The following PDGFD variants were observed in gnomAD, a reference collection of about 807,000 sequenced individuals.
PDGFD encodes the protein platelet derived growth factor D, also known as platelet-derived growth factor D.
PDGFD carries 30 observed loss-of-function variants against 44.7 expected under a neutral mutation model. That is an observed-to-expected ratio of 0.67 (90% confidence interval 0.50 to 0.91). The LOEUF is 0.91. Among genes scored for constraint, PDGFD ranks in the 40% least tolerant of loss-of-function variants. The pLI is 0.00. For missense variants in PDGFD, 445 were observed against 457.8 expected (o/e 0.97, Z 0.25); for synonymous variants, 173 against 168.4 (o/e 1.03, Z -0.21).
chr11:104,036,787 T>C (rs930432840), intron 1 of PDGFD: 8 of 1,555,378 alleles, frequency 5.1e-6, no homozygotes, highest in Admixed American at 1.7e-5. Flanking sequence ...GAGCCGCCCA[T>C]GCCCTCTGCT....
chr11:103,917,097 C>T (rs1156646053), intron 6 of PDGFD, among the ~76,000 whole-genome samples: 1 of 150,806 alleles, frequency 6.6e-6, no homozygotes, highest in Non-Finnish European at 1.5e-5. Context: ...AAAAAAAACA[C>T]ACAACATGTT....
intron 4 of PDGFD, among the ~76,000 whole-genome samples, chr11:103,943,959 A>C (rs1033620102): frequency 8.5e-5 from 13 of 152,188 alleles, no homozygotes; most frequent in Non-Finnish European, 4.4e-5. Flanking sequence ...TAAGTTATCC[A>C]GTTTCTTGGT....
At position 103,925,127 on chromosome 11, in the gene PDGFD, C is replaced by A. The variant is rs375455374; in HGVS notation, c.987+1785G>T. Among the ~76,000 whole-genome samples the A allele has an allele frequency of 2.6e-5, 4 of 152,162 alleles. No individual in the cohort carries two copies. The East Asian group carries it at 5.8e-4, about 22-fold the overall frequency. On this transcript the variant is annotated intron_variant, in intron 6 of 6. Transcript: ENST00000393158. ...GCTTCATCCGTGTCTCTGCAAAGGACGTGAACTCATCCTTTTTTAAGGCTG... is the reference window on the plus strand; with the variant it reads ...GCTTCATCCGTGTCTCTGCAAAGGAAGTGAACTCATCCTTTTTTAAGGCTG...
intron 1 of PDGFD, among the ~76,000 whole-genome samples, chr11:104,132,052 T>A (rs1861931441): frequency 6.6e-6 from 1 of 151,364 alleles, no homozygotes; most frequent in South Asian, 2.1e-4. Context: ...ACGTACCTTC[T>A]GACATGGTGA....
At position 104,154,526 on chromosome 11, in the gene PDGFD, T is replaced by A. The variant is rs78080339; in HGVS notation, c.124+9278A>T. Among the ~76,000 whole-genome samples the A allele has an allele frequency of 2.2e-3, 327 of 152,048 alleles. 1 individual carries two copies. The highest frequency in any genetic ancestry group is 4.0e-3 in the Non-Finnish European group (274 of 67,960). On this transcript the variant is annotated intron_variant, in intron 1 of 6. Coordinates refer to ENST00000393158, the MANE Select transcript of PDGFD (RefSeq NM_025208.5). ...GGGGATGATTTCAAATCACAATGGG[T>A]ACAGGGGAGGAGAGGAGGAAGAGAC... is the stretch of plus-strand genomic sequence containing the variant.
At chr11:104,009,357 C>T (rs939767318) in intron 1 of PDGFD, among the ~76,000 whole-genome samples, 4 of 151,974 alleles carry the variant, frequency 2.6e-5, no homozygotes, top group Non-Finnish European at 5.9e-5. Context: ...GGTTCTCATC[C>T]TATGCAACCA....
chr11:104,059,139 T>C (rs976154849), intron 1 of PDGFD, among the ~76,000 whole-genome samples: 2 of 149,136 alleles, frequency 1.3e-5, no homozygotes, highest in African/African-American at 2.5e-5. Flanking sequence ...CTGTGTACAT[T>C]ATACTTCAAT....
At chr11:104,160,870 C>G (rs7950273) in intron 1 of PDGFD, among the ~76,000 whole-genome samples, 48,742 of 152,022 alleles carry the variant, frequency 0.32, 7,891 homozygotes, top group Middle Eastern at 0.37. Flanking sequence ...TGGGTAGAAG[C>G]AGACTATCAT....
chr11:103,976,153 G>C (rs1859181005), intron 3 of PDGFD, among the ~76,000 whole-genome samples: 1 of 152,058 alleles, frequency 6.6e-6, no homozygotes, highest in Admixed American at 6.5e-5. Context: ...CCATCTGTTT[G>C]TGTCTTCTCT....
chr11:103,948,835 G>C (rs1858700886), intron 3 of PDGFD, among the ~76,000 whole-genome samples: 1 of 151,986 alleles, frequency 6.6e-6, no homozygotes, highest in Admixed American at 6.6e-5. Flanking sequence ...GCTGATTACT[G>C]AGAGAGAACC....
At chr11:104,010,984 A>G (rs894765645) in intron 1 of PDGFD, among the ~76,000 whole-genome samples, 1 of 152,136 alleles carries the variant, frequency 6.6e-6, no homozygotes, top group Non-Finnish European at 1.5e-5. Context: ...ACAGAAAGAT[A>G]AGAGGGAAAA....
At chr11:104,035,657 GC>G (rs1217712685) in intron 1 of PDGFD, among the ~76,000 whole-genome samples, 2 of 148,182 alleles carry the variant, frequency 1.3e-5, no homozygotes, top group Non-Finnish European at 3.0e-5. Flanking sequence ...TCATCAATTG[GC>G]TCAACTAATT....
At chr11:103,925,704 GACAC>G (rs541658858) in intron 6 of PDGFD, among the ~76,000 whole-genome samples, 1 of 106,116 alleles carries the variant, frequency 9.4e-6, no homozygotes, top group Non-Finnish European at 1.9e-5. Flanking sequence ...TATATACACA[GACAC>G]ACACACACAT....
At chr11:103,938,182 T>G (rs1250093226) in intron 5 of PDGFD, among the ~76,000 whole-genome samples, 5 of 152,060 alleles carry the variant, frequency 3.3e-5, no homozygotes, top group Admixed American at 6.5e-5. Flanking sequence ...AGTGTAAAAG[T>G]GTTCCTATTT....
chr11:103,961,782 T>A (rs1326767275), intron 3 of PDGFD, among the ~76,000 whole-genome samples: 1 of 152,150 alleles, frequency 6.6e-6, no homozygotes, highest in Admixed American at 6.6e-5. Context: ...CACAGAGCTG[T>A]CATCCTGATC....
chr11:104,092,458 A>G (rs532871822), intron 1 of PDGFD, among the ~76,000 whole-genome samples: 2 of 152,294 alleles, frequency 1.3e-5, no homozygotes, highest in Non-Finnish European at 2.9e-5. Flanking sequence ...AAATCTCTAC[A>G]TACAACAATA....
chr11:104,118,781 A>ATTATATATTATAAATATTAATATATAATG (rs1861681705), intron 1 of PDGFD, among the ~76,000 whole-genome samples: 1 of 79,078 alleles, frequency 1.3e-5, no homozygotes, highest in East Asian at 3.3e-4. Context: ...AATATATAAT[A>ATTATATATTATAAATATTAATATATAATG]TATTATATAT....
At chr11:104,120,351 G>T (rs1254136251) in intron 1 of PDGFD, among the ~76,000 whole-genome samples, 1 of 151,324 alleles carries the variant, frequency 6.6e-6, no homozygotes, top group Non-Finnish European at 1.5e-5. Context: ...ATTTTTATTT[G>T]TCATTCTTAG....
chr11:103,984,365 T>A (rs969083303), intron 3 of PDGFD, among the ~76,000 whole-genome samples: 1 of 151,416 alleles, frequency 6.6e-6, no homozygotes, highest in African/African-American at 2.4e-5. Flanking sequence ...ATGATGAGAA[T>A]ACATGGACAC....
Sources: gnomAD v4.1 joint callset for allele counts (sites outside exome capture counted in the v4.1 genomes callset) on GRCh38, gnomAD v4.1.1 for gene constraint, MANE v1.5 for transcripts, NCBI Gene and HGNC (gene_info 2026-07-23, HGNC 2026-07-21) for gene names.